RANBP3L: variants seen among roughly 807,000 people sequenced by gnomAD.
RANBP3L encodes ran-binding protein 3-like.
Under a neutral mutation model 67.2 loss-of-function variants are expected in RANBP3L, and 56 were observed. The ratio of observed to expected loss-of-function variants is 0.83; its 90% CI spans 0.67 to 1.04. The LOEUF is 1.04. RANBP3L is among the 50% of genes least tolerant of loss of function. The pLI is 0.00. For missense variants in RANBP3L, 496 were observed against 535.5 expected, an observed-to-expected ratio of 0.93 and a Z score of 0.73; for synonymous variants, 164 against 181.4, an observed-to-expected ratio of 0.90 and a Z score of 0.77.
rs1460915946 is a variant in RANBP3L at position 36,248,455 on chromosome 5, A to G, written c.*1199T>C. 1 of 152,184 alleles carries G rather than the reference A, an allele frequency of 6.6e-6. No individual in the cohort carries two copies. Among genetic ancestry groups the G allele is most frequent in the Non-Finnish European group, 1.5e-5 (1 of 68,018 alleles). The allele number at this position is 152,184 out of a possible 1,614,324, so 9.4% of individuals were successfully genotyped here. On this transcript the variant is annotated 3_prime_UTR_variant, in exon 14 of 14. Coordinates refer to ENST00000296604, the MANE Select transcript of RANBP3L (RefSeq NM_145000.5). ...GAAGTTTGACTTAATAAATACTTAT[A>G]TATTTTTATTATTTTATAACAGGTA...
chr5:36,276,831 C>G (rs980587884), intron 1 of RANBP3L, among the ~76,000 whole-genome samples: 4 of 152,076 alleles, frequency 2.6e-5, no homozygotes, highest in Admixed American at 2.0e-4. Flanking sequence ...AATGGAGTAC[C>G]TTTGGCTCCA....
rs752679269 is a variant in RANBP3L at position 36,249,629 on chromosome 5, A to G, written c.*25T>C. On this transcript the variant is annotated 3_prime_UTR_variant, in exon 14 of 14. Coordinates refer to ENST00000296604, the MANE Select transcript of RANBP3L (RefSeq NM_145000.5). ...AGTAGGGTGACCCCTCTTTTTGTAG[A>G]TGTCATGTTTATAGTAGGTAGTATT... 22 of 1,383,608 alleles carry G rather than the reference A, an allele frequency of 1.6e-5. No individual in the cohort carries two copies. The East Asian group carries it at 4.2e-4, about 26-fold the overall frequency. 85.7% of individuals were successfully genotyped at this position (1,383,608 alleles called of 1,614,324 possible).
chr5:36,273,478 T>C (rs1385715388), intron 1 of RANBP3L, among the ~76,000 whole-genome samples: 2 of 152,208 alleles, frequency 1.3e-5, no homozygotes, highest in East Asian at 1.9e-4. Flanking sequence ...GGACACATGG[T>C]CTAATTGAAG....
At chr5:36,297,352 G>A (rs1233403428) in intron 1 of RANBP3L, among the ~76,000 whole-genome samples, 1 of 151,886 alleles carries the variant, frequency 6.6e-6, no homozygotes, top group Middle Eastern at 3.2e-3. Context: ...TGTCTCAAGG[G>A]TGGCAAAGGA....
chr5:36,293,911 C>T (rs1404695664), intron 1 of RANBP3L, among the ~76,000 whole-genome samples: 1 of 148,694 alleles, frequency 6.7e-6, no homozygotes, highest in African/African-American at 2.5e-5. Flanking sequence ...TGATGCTGGC[C>T]TCATAGAATG....
rs61105686 is a variant in RANBP3L at position 36,290,726 on chromosome 5, C to CTT, written c.91+10598_91+10599dup. Among the ~76,000 whole-genome samples the CTT allele has an allele frequency of 6.1e-3, 339 of 55,434 alleles. 1 individual carries two copies. The highest frequency in any genetic ancestry group is 8.6e-3 in the East Asian group (14 of 1,630). 36.4% of individuals were successfully genotyped at this position (55,434 alleles called of 152,430 possible). A position where few individuals can be genotyped will look rare whatever the true frequency, so the allele number is the denominator to read the frequency against. ...TAGGGATGGCCTTGGACAACCATGG[C>CTT]TTTTTTTTTTTTTTTTTTTTTTTGA... On this transcript the variant is annotated intron_variant, in intron 1 of 13. Coordinates refer to ENST00000296604, the MANE Select transcript of RANBP3L (RefSeq NM_145000.5).
chr5:36,250,894 C>A (rs1262477163), intron 13 of RANBP3L, among the ~76,000 whole-genome samples: 1 of 151,948 alleles, frequency 6.6e-6, no homozygotes, highest in Non-Finnish European at 1.5e-5. Context: ...GTTATTCTTA[C>A]AAGCAGTCAA....
At chr5:36,266,043 C>T (rs1484966076) in intron 4 of RANBP3L, among the ~76,000 whole-genome samples, 1 of 149,984 alleles carries the variant, frequency 6.7e-6, no homozygotes, top group African/African-American at 2.4e-5. Context: ...TGTTTACTTT[C>T]AGATATCTAA....
rs1748451402 is a variant in RANBP3L at position 36,249,498 on chromosome 5, CAT to C, written c.*154_*155del. ...AATAATCAAAATGTAAAATGTAAAA[CAT>C]AAAAATGTTAATTGCAACAAATTAC... On this transcript the variant is annotated 3_prime_UTR_variant, in exon 14 of 14. Transcript: ENST00000296604. 1 of 427,566 alleles carries C rather than the reference CAT, an allele frequency of 2.3e-6. No individual in the cohort carries two copies. Among genetic ancestry groups the C allele is most frequent in the East Asian group, 3.6e-5 (1 of 28,122 alleles). The allele number at this position is 427,566 out of a possible 1,614,324, so 26.5% of individuals were successfully genotyped here. A position where few individuals can be genotyped will look rare whatever the true frequency, so the allele number is the denominator to read the frequency against.
intron 1 of RANBP3L, among the ~76,000 whole-genome samples, chr5:36,298,647 C>G (rs755839159): frequency 1.9e-4 from 29 of 152,194 alleles, no homozygotes; most frequent in Non-Finnish European, 3.5e-4. Context: ...GCAAATACTA[C>G]CCAGCTCAAA....
At chr5:36,261,512 T>C (rs565260613) in intron 7 of RANBP3L, among the ~76,000 whole-genome samples, 21 of 152,232 alleles carry the variant, frequency 1.4e-4, no homozygotes, top group African/African-American at 4.8e-4. Context: ...CATTTATCCA[T>C]CACTAGTAAT....
intron 1 of RANBP3L, among the ~76,000 whole-genome samples, chr5:36,277,410 C>CTT (rs1307082839): frequency 1.4e-5 from 1 of 71,950 alleles, no homozygotes; most frequent in Non-Finnish European, 2.8e-5. Context: ...CTCTCTCTCT[C>CTT]TCTCTCTCTC....
chr5:36,301,686 A>G lies in RANBP3L; in HGVS notation c.-270T>C. 5.4e-6 allele frequency: 2 copies of G among 370,704 alleles called. No individual in the cohort carries two copies. The highest frequency in any genetic ancestry group is 9.9e-6 in the Non-Finnish European group (2 of 201,970). 23.0% of individuals were successfully genotyped at this position (370,704 alleles called of 1,614,324 possible). ...CAACTTAATTCCTTCATTTCAAAAC[A>G]AATTGAAACTAAACCTCCTTATAGA... On this transcript the variant is annotated 5_prime_UTR_variant, in exon 1 of 14. Coordinates refer to ENST00000296604, the MANE Select transcript of RANBP3L (RefSeq NM_145000.5).
intron 1 of RANBP3L, among the ~76,000 whole-genome samples, chr5:36,291,653 G>A (rs1350451222): frequency 1.3e-5 from 2 of 150,832 alleles, no homozygotes; most frequent in Non-Finnish European, 3.0e-5. Context: ...TGTGGTGTTT[G>A]GTTTTTTGTT....
chr5:36,278,574 A>C (rs1750759679), intron 1 of RANBP3L, among the ~76,000 whole-genome samples: 1 of 152,180 alleles, frequency 6.6e-6, no homozygotes, highest in Admixed American at 6.6e-5. Flanking sequence ...CACTAGTTAG[A>C]GTAGTGACTA....
intron 12 of RANBP3L, among the ~76,000 whole-genome samples, chr5:36,252,098 G>C (rs1318388291): frequency 6.6e-6 from 1 of 152,008 alleles, no homozygotes; most frequent in Non-Finnish European, 1.5e-5. Context: ...CAGTAAAACT[G>C]TGGGTTATTA....
intron 1 of RANBP3L, among the ~76,000 whole-genome samples, chr5:36,279,510 C>G (rs1393690450): frequency 1.3e-5 from 2 of 152,116 alleles, no homozygotes; most frequent in Non-Finnish European, 1.5e-5. Context: ...GGTAAGATAA[C>G]GAGGCCTCTG....
At chr5:36,282,294 T>C (rs1004302183) in intron 1 of RANBP3L, among the ~76,000 whole-genome samples, 1 of 152,206 alleles carries the variant, frequency 6.6e-6, no homozygotes, top group African/African-American at 2.4e-5. Context: ...TCTAAAATGG[T>C]GTCTTCTCAA....
chr5:36,297,927 A>C (rs901456613), intron 1 of RANBP3L, among the ~76,000 whole-genome samples: 1 of 152,170 alleles, frequency 6.6e-6, no homozygotes, highest in Non-Finnish European at 1.5e-5. Context: ...CTATGTAATC[A>C]CTTCAAAATT....
Sources: gnomAD v4.1 joint callset for allele counts (sites outside exome capture counted in the v4.1 genomes callset) on GRCh38, gnomAD v4.1.1 for gene constraint, MANE v1.5 for transcripts, NCBI Gene and HGNC (gene_info 2026-07-23, HGNC 2026-07-21) for gene names.